APEX1: variants seen among roughly 807,000 people sequenced by gnomAD.
APEX1 encodes apurinic/apyrimidinic endodeoxyribonuclease 1.
In APEX1, 32 loss-of-function variants were observed where a neutral mutation model predicts 33.2. That is an observed-to-expected ratio of 0.96 (90% CI 0.73 to 1.29). APEX1 has a LOEUF of 1.29. Ranked by LOEUF, APEX1 falls within the 50% of genes most tolerant of loss-of-function variation. The pLI, the probability that APEX1 is intolerant of heterozygous loss-of-function variation, is 0.00. For missense variants in APEX1, 442 were observed against 395.6 expected (o/e 1.12, Z -0.99); for synonymous variants, 175 against 156.6 (o/e 1.12, Z -0.88).
Position 20,457,040 on chromosome 14 carries a change from C to G in APEX1, c.489C>G (p.Asp163Glu), listed in dbSNP as rs149168435. 3.9e-5 allele frequency: 63 copies of G among 1,614,152 alleles called. No individual in the cohort carries two copies. In the African/African-American group the frequency reaches 7.1e-4, roughly 18 times the overall value. Reference sequence around the variant, plus strand: ...GCCGGGTGATTGTGGCTGAATTTGACTCGTTTGTGCTGGTAACAGCATATG... The same window carrying G: ...GCCGGGTGATTGTGGCTGAATTTGAGTCGTTTGTGCTGGTAACAGCATATG... ...QEGRVIVAEF[D>E]SFVLVTAYVP... The change falls in exon 5 of 5, where the codon GAC becomes GAG. Residue 163 changes from aspartate to glutamate, a missense_variant. Transcript: ENST00000216714.
In APEX1 at chr14:20,456,979, T is replaced by C; in HGVS notation, c.440-12T>C. On this transcript the variant is annotated splice_polypyrimidine_tract_variant and intron_variant, in intron 4 of 4. Coordinates refer to ENST00000216714, the MANE Select transcript of APEX1 (RefSeq NM_001641.4). Reference sequence around the variant, plus strand: ...TATAGTTTTTTATGCTAATTCTGTTTCATTTCTATAGGCGATGAGGAGCAT... The same window carrying C: ...TATAGTTTTTTATGCTAATTCTGTTCCATTTCTATAGGCGATGAGGAGCAT... The C allele has an allele frequency of 6.2e-7, 1 of 1,613,028 alleles. No homozygotes were observed. The highest frequency in any genetic ancestry group is 1.3e-5 in the African/African-American group (1 of 75,070).
In APEX1 at chr14:20,455,259, G is replaced by A; in HGVS notation, c.-204G>A. ...TGCTCGGGTTAGGAGGAGCTAGGCT[G>A]CCATCGGGCCGGTGCAGATACGGGG... On this transcript the variant is annotated 5_prime_UTR_variant, in exon 1 of 5. Coordinates refer to ENST00000216714, the MANE Select transcript of APEX1 (RefSeq NM_001641.4). The A allele has an allele frequency of 2.6e-6, 1 of 387,378 alleles. No homozygotes were observed. Among genetic ancestry groups the A allele is most frequent in the Non-Finnish European group, 4.9e-6 (1 of 206,170 alleles). The allele number at this position is 387,378 out of a possible 1,614,324, so 24.0% of individuals were successfully genotyped here. A position where few individuals can be genotyped will look rare whatever the true frequency, so the allele number is the denominator to read the frequency against.
In APEX1 at chr14:20,457,664, G is replaced by C; in HGVS notation, c.*156G>C. 9.4e-7 allele frequency: 1 copy of C among 1,063,792 alleles called. No homozygotes were observed. Among genetic ancestry groups the C allele is most frequent in the African/African-American group, 1.6e-5 (1 of 62,234 alleles). The allele number at this position is 1,063,792 out of a possible 1,614,324, so 65.9% of individuals were successfully genotyped here. A position where few individuals can be genotyped will look rare whatever the true frequency, so the allele number is the denominator to read the frequency against. On this transcript the variant is annotated 3_prime_UTR_variant, in exon 5 of 5. Coordinates refer to ENST00000216714, the MANE Select transcript of APEX1 (RefSeq NM_001641.4). ...TGTGATAGAGTTCTTTTAAGCCCAA[G>C]ATTTTTTATTTGAGGGTTTTTTGTT...
In APEX1 at chr14:20,457,694, A is replaced by G; in HGVS notation, c.*186A>G. 4 of 758,570 alleles carry G rather than the reference A, an allele frequency of 5.3e-6. No homozygotes were observed. The highest frequency in any genetic ancestry group is 8.3e-6 in the Non-Finnish European group (4 of 481,790). The allele number at this position is 758,570 out of a possible 1,614,324, so 47.0% of individuals were successfully genotyped here. ...TTTATTTGAGGGTTTTTTGTTTTTT[A>G]AAAAAAAATTGAACAAAGACTACTA... is the stretch of plus-strand genomic sequence containing the variant. On this transcript the variant is annotated 3_prime_UTR_variant, in exon 5 of 5. Coordinates refer to ENST00000216714, the MANE Select transcript of APEX1 (RefSeq NM_001641.4).
At position 20,456,985 on chromosome 14, in the gene APEX1, C is replaced by G. The variant is rs1306863829; in HGVS notation, c.440-6C>G. 6.2e-7 allele frequency: 1 copy of G among 1,613,222 alleles called. No individual in the cohort carries two copies. The highest frequency in any genetic ancestry group is 8.5e-7 in the Non-Finnish European group (1 of 1,179,558). The stretch of plus-strand genomic sequence containing the variant: ...TTTTTATGCTAATTCTGTTTCATTT[C>G]TATAGGCGATGAGGAGCATGATCAG... On this transcript the variant is annotated splice_region_variant and splice_polypyrimidine_tract_variant and intron_variant, in intron 4 of 4. Transcript: ENST00000216714.
chr14:20,457,212 C>T lies in APEX1; in HGVS notation c.661C>T (p.Arg221Cys), dbSNP rs147110862. The change falls in exon 5 of 5, where the codon CGC becomes TGC. Residue 221 changes from arginine to cysteine, a missense_variant. Arg to Cys is a radical substitution (Grantham distance 180, BLOSUM62 -3). Transcript: ENST00000216714. ...LNVAHEEIDL[R>C]NPKGNKKNAG... is the part of the protein sequence containing the mutation. ...TGTGGCACATGAAGAAATTGACCTT[C>T]GCAACCCCAAGGGGAACAAAAAGAA... is the stretch of plus-strand genomic sequence containing the variant. The T allele has an allele frequency of 7.0e-5, 113 of 1,614,214 alleles. 1 individual carries two copies. The highest frequency in any genetic ancestry group is 1.6e-4 in the Middle Eastern group (1 of 6,062).
chr14:20,455,845 C>G lies in APEX1; in HGVS notation c.59-69C>G. The G allele has an allele frequency of 2.5e-6, 4 of 1,613,520 alleles. No homozygotes were observed. In the South Asian group the frequency reaches 4.4e-5, roughly 18 times the overall value. On this transcript the variant is annotated intron_variant, in intron 2 of 4. Coordinates refer to ENST00000216714, the MANE Select transcript of APEX1 (RefSeq NM_001641.4). ...CAGGAACCGTAGGCTTTCGTTGGGT[C>G]TATAGTTAACGCCGGATCGCAGTTG...
Position 20,455,658 on chromosome 14 carries a change from G to A in APEX1, c.13G>A (p.Gly5Arg). Residue 5 changes from glycine to arginine, a missense_variant, in exon 2 of 5, where the codon GGG (glycine) becomes AGG (arginine). Physicochemically the swap from Gly to Arg is moderately radical, Grantham distance 125. Coordinates refer to ENST00000216714, the MANE Select transcript of APEX1 (RefSeq NM_001641.4). MPKR[G>R]KKGAVAEDGD... is the part of the protein sequence containing the mutation. ...GTTCGTAACGGGAATGCCGAAGCGTGGGAAAAAGGGAGCGGTGGCGGAAGA... is the reference window on the plus strand; with the variant it reads ...GTTCGTAACGGGAATGCCGAAGCGTAGGAAAAAGGGAGCGGTGGCGGAAGA... 6.2e-7 allele frequency: 1 copy of A among 1,613,890 alleles called. No homozygotes were observed. The highest frequency in any genetic ancestry group is 1.3e-5 in the African/African-American group (1 of 75,040).
chr14:20,457,598 A>T lies in APEX1; in HGVS notation c.*90A>T. ...CACTCTTCAGAGAAATCTGCATTCT[A>T]TTTCTCATGTATAAAACTAGGAATC... On this transcript the variant is annotated 3_prime_UTR_variant, in exon 5 of 5. Coordinates refer to ENST00000216714, the MANE Select transcript of APEX1 (RefSeq NM_001641.4). 6.6e-7 allele frequency: 1 copy of T among 1,515,340 alleles called. No homozygotes were observed. Among genetic ancestry groups the T allele is most frequent in the Non-Finnish European group, 9.1e-7 (1 of 1,101,824 alleles). The allele number at this position is 1,515,340 out of a possible 1,614,324, so 93.9% of individuals were successfully genotyped here. A position where few individuals can be genotyped will look rare whatever the true frequency, so the allele number is the denominator to read the frequency against.
In APEX1 at chr14:20,456,123, G is replaced by A. The variant is rs767339379; in HGVS notation, c.246+22G>A. 8 of 1,611,564 alleles carry A rather than the reference G, an allele frequency of 5.0e-6. No homozygotes were observed. In the East Asian group the frequency reaches 1.3e-4, roughly 27 times the overall value. The stretch of plus-strand genomic sequence containing the variant: ...AGATGTGAGTGGAATTTGAGGGAAA[G>A]AGACATTTTTTAGTATTGAATGGTC... On this transcript the variant is annotated intron_variant, in intron 3 of 4. Transcript: ENST00000216714.
chr14:20,456,012 A>G lies in APEX1; in HGVS notation c.157A>G (p.Thr53Ala). 1.2e-6 allele frequency: 2 copies of G among 1,613,640 alleles called. No individual in the cohort carries two copies. The highest frequency in any genetic ancestry group is 1.7e-6 in the Non-Finnish European group (2 of 1,179,870). Residue 53 changes from threonine (T) to alanine (A), a missense_variant, in exon 3 of 5, where the codon ACC becomes GCC. By Grantham distance (58) the Thr-to-Ala change is moderately conservative. Coordinates refer to ENST00000216714, the MANE Select transcript of APEX1 (RefSeq NM_001641.4). The part of the protein sequence containing the change: ...ALYEDPPDQK[T>A]SPSGKPATLK... ...GTATGAGGACCCCCCAGATCAGAAA[A>G]CCTCACCCAGTGGCAAACCTGCCAC...
chr14:20,457,160 G>C lies in APEX1; in HGVS notation c.609G>C (p.Lys203Asn), dbSNP rs1312238952. The C allele has an allele frequency of 6.2e-7, 1 of 1,614,180 alleles. No individual in the cohort carries two copies. Among genetic ancestry groups the C allele is most frequent in the South Asian group, 1.1e-5 (1 of 91,084 alleles). The change falls in exon 5 of 5, where the codon AAG becomes AAC. Residue 203 changes from lysine to asparagine, a missense_variant. Lys to Asn is a moderately conservative substitution (Grantham distance 94). Transcript: ENST00000216714. ...RKFLKGLASR[K>N]PLVLCGDLNV... ...TCCTGAAGGGCCTGGCTTCCCGAAA[G>C]CCCCTTGTGCTGTGTGGAGACCTCA...
In APEX1 at chr14:20,456,081, A is replaced by C; in HGVS notation, c.226A>C (p.Ile76Leu). The C allele has an allele frequency of 6.2e-7, 1 of 1,614,194 alleles. No individual in the cohort carries two copies. The highest frequency in any genetic ancestry group is 8.5e-7 in the Non-Finnish European group (1 of 1,180,018). ...GAATGTGGATGGGCTTCGAGCCTGG[A>C]TTAAGAAGAAAGGATTAGATGTGAG... The part of the protein sequence containing the change: ...SWNVDGLRAW[I>L]KKKGLDWVKE... The change falls in exon 3 of 5, where the codon ATT (isoleucine) becomes CTT (leucine). Residue 76 changes from isoleucine to leucine, a missense_variant. By Grantham distance (5) the Ile-to-Leu change is conservative. Coordinates refer to ENST00000216714, the MANE Select transcript of APEX1 (RefSeq NM_001641.4).
intron 2 of APEX1, 36 bp from the exon 3 acceptor site, chr14:20,455,878 C>G: frequency 6.2e-7 from 1 of 1,613,788 alleles, no homozygotes; most frequent in Non-Finnish European, 8.5e-7. Flanking sequence ...TTGGAAACCA[C>G]CAGCTTTTTG....
Position 20,455,685 on chromosome 14 carries a change from G to T in APEX1, c.40G>T (p.Gly14Trp). Reference sequence around the variant, plus strand: ...GAAAAAGGGAGCGGTGGCGGAAGACGGGGATGAGCTCAGGACAGGTAAGGG... The same window carrying T: ...GAAAAAGGGAGCGGTGGCGGAAGACTGGGATGAGCTCAGGACAGGTAAGGG... ...RGKKGAVAED[G>W]DELRTEPEAK... is the part of the protein sequence containing the mutation. The change falls in exon 2 of 5, where the codon GGG becomes TGG. Residue 14 changes from glycine to tryptophan, a missense_variant. Transcript: ENST00000216714. 1 of 1,614,148 alleles carries T rather than the reference G, an allele frequency of 6.2e-7. No individual in the cohort carries two copies. Among genetic ancestry groups the T allele is most frequent in the South Asian group, 1.1e-5 (1 of 91,070 alleles).
chr14:20,455,436 GCT>G, intron 1 of APEX1, 42 bp downstream of exon 1: 1 of 734,668 alleles, frequency 1.4e-6, no homozygotes, highest in South Asian at 1.7e-5. Context: ...TGGGTGAGGG[GCT>G]GAAGGGCCTA....
At position 20,456,681 on chromosome 14, in the gene APEX1, A is replaced by C; in HGVS notation, c.260A>C (p.Glu87Ala). The C allele has an allele frequency of 6.2e-7, 1 of 1,614,178 alleles. No homozygotes were observed. Among genetic ancestry groups the C allele is most frequent in the Non-Finnish European group, 8.5e-7 (1 of 1,179,976 alleles). The change falls in exon 4 of 5, where the codon GAA becomes GCA. Residue 87 changes from glutamate to alanine, a missense_variant. Physicochemically the swap from Glu to Ala is moderately radical, Grantham distance 107. Coordinates refer to ENST00000216714, the MANE Select transcript of APEX1 (RefSeq NM_001641.4). ...TTTCACTTACAGTGGGTAAAGGAAG[A>C]AGCCCCAGATATACTGTGCCTTCAA... is the stretch of plus-strand genomic sequence containing the variant. ...KKKGLDWVKE[E>A]APDILCLQET... is the part of the protein sequence containing the mutation.
chr14:20,455,416 T>C (rs1881270911), intron 1 of APEX1, 22 bp downstream of exon 1: 2 of 642,152 alleles, frequency 3.1e-6, no homozygotes, highest in Non-Finnish European at 5.4e-6. Context: ...TATGAAATGA[T>C]CTAGTTTCGT....
intron 3 of APEX1, 43 bp downstream of exon 3, chr14:20,456,144 T>A (rs1462087956): frequency 1.2e-6 from 2 of 1,602,650 alleles, no homozygotes; most frequent in Non-Finnish European, 1.7e-6. Flanking sequence ...TAGTATTGAA[T>A]GGTCTTAGGG....
Sources: allele counts gnomAD v4.1 joint callset, GRCh38; gene constraint gnomAD v4.1.1; transcripts MANE v1.5; gene names NCBI Gene and HGNC (gene_info 2026-07-23, HGNC 2026-07-21).